Variants in STK3 observed in about 807,000 individuals in gnomAD.
STK3 encodes serine/threonine kinase 3, also known as serine/threonine-protein kinase 3.
In STK3, 41 loss-of-function variants were observed where a neutral mutation model predicts 58.0. That is an observed-to-expected ratio of 0.71 (90% CI 0.55 to 0.92). STK3 has a LOEUF of 0.92. Among genes scored for constraint, STK3 ranks in the 40% least tolerant of loss-of-function variants. The pLI, the probability that STK3 is intolerant of heterozygous loss-of-function variation, is 0.00. For synonymous variants in STK3, 170 were observed against 191.0 expected (o/e 0.89, Z 0.91); for missense variants, 479 against 602.7 (o/e 0.79, Z 2.15).
intron 6 of STK3, among the ~76,000 whole-genome samples, chr8:98,699,135 T>G (rs1400036873): frequency 6.6e-6 from 1 of 152,238 alleles, no homozygotes; most frequent in Admixed American, 6.5e-5. Context: ...CTGATACCCT[T>G]TCTTCCAGTT....
chr8:98,549,315 T>G (rs1346256747), intron 8 of STK3, among the ~76,000 whole-genome samples: 1 of 152,212 alleles, frequency 6.6e-6, no homozygotes, highest in Non-Finnish European at 1.5e-5. Context: ...GAACATGAAG[T>G]GTTATCACAT....
At chr8:98,718,851 A>G (rs897180903) in intron 4 of STK3, among the ~76,000 whole-genome samples, 13 of 152,162 alleles carry the variant, frequency 8.5e-5, no homozygotes, top group African/African-American at 3.1e-4. Flanking sequence ...GTGGCTACTC[A>G]AAAATTTAAA....
rs555189338 is a variant in STK3, at chr8:98,589,898, A to G, written c.822+6134T>C. 4.6e-5 allele frequency among the ~76,000 whole-genome samples: 7 copies of G among 152,338 alleles called. No homozygotes were observed. The East Asian group carries it at 1.3e-3, about 29-fold the overall frequency. The stretch of plus-strand genomic sequence containing the variant: ...CGTCACTCCTTTCTTTGACTAGGAA[A>G]GGGAACCCCCTGACCCCTTGCACTT... On this transcript the variant is annotated intron_variant, in intron 7 of 10. Transcript: ENST00000419617.
At chr8:98,911,178 G>A (rs1839115908) in intron 1 of STK3, among the ~76,000 whole-genome samples, 1 of 152,136 alleles carries the variant, frequency 6.6e-6, no homozygotes, top group Non-Finnish European at 1.5e-5. Flanking sequence ...TTTTCACAAT[G>A]AGCGGATTGG....
intron 8 of STK3, among the ~76,000 whole-genome samples, chr8:98,552,191 C>A (rs1329650317): frequency 6.6e-6 from 1 of 152,086 alleles, no homozygotes; most frequent in Admixed American, 6.6e-5. Context: ...CCATTCTAGT[C>A]CAAGCCACCA....
At chr8:98,691,543 A>G (rs1824402871) in intron 6 of STK3, among the ~76,000 whole-genome samples, 3 of 152,134 alleles carry the variant, frequency 2.0e-5, no homozygotes, top group African/African-American at 7.2e-5. Flanking sequence ...ATAAACAGGC[A>G]GTAAAAAGTT....
chr8:98,924,093 T>A (rs2132018541), intron 1 of STK3, among the ~76,000 whole-genome samples: 1 of 152,260 alleles, frequency 6.6e-6, no homozygotes, highest in South Asian at 2.1e-4. Context: ...AGAGAGTCCA[T>A]TTGAAGAAAG....
At position 98,865,393 on chromosome 8, in the gene STK3, A is replaced by G. The variant is rs549891872; in HGVS notation, c.110+18254T>C. Among the ~76,000 whole-genome samples the G allele has an allele frequency of 3.9e-5, 6 of 151,972 alleles. No individual in the cohort carries two copies. In the South Asian group the frequency reaches 1.2e-3, roughly 32 times the overall value. On this transcript the variant is annotated intron_variant, in intron 3 of 12. Transcript: ENST00000523601. ...TAGTTTACTACTTTTTTTTTTAAAGATAGGGTCTCACTCTGTTGCCTAGGC... is the reference window on the plus strand; with the variant it reads ...TAGTTTACTACTTTTTTTTTTAAAGGTAGGGTCTCACTCTGTTGCCTAGGC...
At chr8:98,620,906 G>A (rs886295076) in intron 6 of STK3, among the ~76,000 whole-genome samples, 1 of 150,020 alleles carries the variant, frequency 6.7e-6, no homozygotes, top group Non-Finnish European at 1.5e-5. Flanking sequence ...CATTGTTAAT[G>A]TACACAGAAA....
At chr8:98,365,424 G>A in the STK3 span, among the ~76,000 whole-genome samples, 1 of 152,270 alleles carries the variant, frequency 6.6e-6, no homozygotes. Flanking sequence ...TGAAGAGAAG[G>A]GAGGGAGGGC....
At chr8:98,919,921 T>G (rs1344440767) in intron 1 of STK3, among the ~76,000 whole-genome samples, 1 of 152,190 alleles carries the variant, frequency 6.6e-6, no homozygotes, top group Non-Finnish European at 1.5e-5. Context: ...GGAAGGAGCC[T>G]TTTGTCCCCT....
At chr8:98,690,077 C>T (rs915116377) in intron 6 of STK3, among the ~76,000 whole-genome samples, 7 of 152,234 alleles carry the variant, frequency 4.6e-5, no homozygotes, top group South Asian at 4.1e-4. Context: ...TACAAACTCA[C>T]GGCCAACATC....
At chr8:98,503,104 A>G (rs1823756326) in intron 10 of STK3, among the ~76,000 whole-genome samples, 1 of 152,060 alleles carries the variant, frequency 6.6e-6, no homozygotes, top group Non-Finnish European at 1.5e-5. Flanking sequence ...CTATTCAGAG[A>G]TTCAACTTCT....
chr8:98,638,317 T>C (rs890960231), intron 6 of STK3: 4 of 152,360 alleles, frequency 2.6e-5, no homozygotes, highest in Non-Finnish European at 5.9e-5. Context: ...TGTTACTTAT[T>C]TAGCCTAATT....
Position 98,455,903 on chromosome 8 carries a change from G to C in STK3, c.1415C>G (p.Ala472Gly). 3 of 1,613,414 alleles carry C rather than the reference G, an allele frequency of 1.9e-6. No individual in the cohort carries two copies. Among genetic ancestry groups the C allele is most frequent in the Non-Finnish European group, 2.5e-6 (3 of 1,179,750 alleles). The change falls in exon 11 of 11, where the codon GCG (alanine) becomes GGG (glycine). Residue 472 changes from alanine to glycine, a missense_variant. By Grantham distance (60) the Ala-to-Gly change is moderately conservative. Coordinates refer to ENST00000419617, the MANE Select transcript of STK3 (RefSeq NM_006281.4). ...EIEELRQRYT[A>G]KRQPILDAMD... ...CGCATCCAGAATGGGCTGTCTTTTC[G>C]CAGTGTATCTCTGACGAAGTTCTTC...
chr8:98,738,576 C>T (rs916551174), intron 4 of STK3, among the ~76,000 whole-genome samples: 1 of 152,122 alleles, frequency 6.6e-6, no homozygotes, highest in African/African-American at 2.4e-5. Context: ...AGCACGCCAC[C>T]ATATAATTAA....
intron 6 of STK3, among the ~76,000 whole-genome samples, chr8:98,621,749 G>T (rs1432743424): frequency 6.6e-6 from 1 of 151,966 alleles, no homozygotes; most frequent in Non-Finnish European, 1.5e-5. Flanking sequence ...TGTTCTTAAG[G>T]TGGAAGCTCA....
chr8:98,387,086 GACTT>G lies in STK3; in HGVS notation n.56+1102_56+1105del, dbSNP rs1318462527. On this transcript the variant is annotated intron_variant and non_coding_transcript_variant, in intron 1 of 2. Coordinates refer to the STK3 transcript ENST00000518704. ...AAGCCTAACTGTGTATCAATTTGGT[GACTT>G]ACTTACATAGGGAATAGTTATTTCA... Among the ~76,000 whole-genome samples the G allele has an allele frequency of 3.3e-5, 5 of 152,206 alleles. No homozygotes were observed. In the East Asian group the frequency reaches 9.6e-4, roughly 29 times the overall value.
intron 4 of STK3, among the ~76,000 whole-genome samples, chr8:98,730,210 C>G (rs1828076310): frequency 6.6e-6 from 1 of 152,114 alleles, no homozygotes; most frequent in Non-Finnish European, 1.5e-5. Flanking sequence ...GAAAACTGGA[C>G]TTTCTCAATT....
Sources: gnomAD v4.1 joint callset for allele counts (sites outside exome capture counted in the v4.1 genomes callset) on GRCh38, gnomAD v4.1.1 for gene constraint, MANE v1.5 for transcripts, NCBI Gene and HGNC (gene_info 2026-07-23, HGNC 2026-07-21) for gene names.